Variants in ELP4 observed in about 807,000 individuals in gnomAD.
The protein encoded by ELP4 is elongator complex protein 4.
A neutral mutation model predicts 48.9 loss-of-function variants in ELP4; 51 were observed. That is an observed-to-expected ratio of 1.04 (90% CI 0.83 to 1.32). The LOEUF is 1.32. ELP4 is among the 40% of genes most tolerant of loss of function. ELP4 has a pLI of 0.00. For synonymous variants in ELP4, 210 were observed against 189.2 expected (o/e 1.11, Z -0.90); for missense variants, 519 against 514.6 (o/e 1.01, Z -0.08).
intron 7 of ELP4, chr11:31,633,062 T>A (rs1565088830): frequency 1.3e-5 from 2 of 152,078 alleles, no homozygotes; most frequent in African/African-American, 4.8e-5. Context: ...TTTATGGTAA[T>A]AACATAATAT....
At chr11:31,694,317 T>A (rs148678255) in intron 9 of ELP4, among the ~76,000 whole-genome samples, 39,632 of 152,136 alleles carry the variant, frequency 0.26, 5,598 homozygotes, top group African/African-American at 0.36. Flanking sequence ...AAGTCTTTAA[T>A]CCAGCTTGAA....
chr11:31,696,805 T>C (rs368294003), intron 9 of ELP4, among the ~76,000 whole-genome samples: 1 of 152,100 alleles, frequency 6.6e-6, no homozygotes, highest in East Asian at 1.9e-4. Flanking sequence ...AATTCACACC[T>C]AACAATATTA....
rs1948767130 is a variant in ELP4 at position 31,787,755 on chromosome 11, TTATTAG to T, written c.*4235_*4240del. 4.4e-6 allele frequency: 1 copy of T among 228,914 alleles called. No individual in the cohort carries two copies. Among genetic ancestry groups the T allele is most frequent in the South Asian group, 1.8e-4 (1 of 5,488 alleles). The allele number at this position is 228,914 out of a possible 1,614,324, so 14.2% of individuals were successfully genotyped here. On this transcript the variant is annotated 3_prime_UTR_variant, in exon 10 of 10. Coordinates refer to ENST00000640961, the MANE Select transcript of ELP4 (RefSeq NM_019040.5). Reference sequence around the variant, plus strand: ...GTGCAGCAACTCTGGTGGAATAAAATTATTAGTATATTTCATGCCGGAGCAATGAAT... The same window carrying T: ...GTGCAGCAACTCTGGTGGAATAAAATTATATTTCATGCCGGAGCAATGAAT...
chr11:31,519,752 G>A (rs564802946), intron 1 of ELP4, among the ~76,000 whole-genome samples: 1 of 151,750 alleles, frequency 6.6e-6, no homozygotes, highest in Non-Finnish European at 1.5e-5. Flanking sequence ...TTGAACCCAG[G>A]ATGGGGAGGT....
chr11:31,567,808 C>A (rs1957136004), intron 3 of ELP4, among the ~76,000 whole-genome samples: 1 of 152,102 alleles, frequency 6.6e-6, no homozygotes, highest in African/African-American at 2.4e-5. Context: ...TTTAAAAAGA[C>A]CTTATTGCTA....
intron 3 of ELP4, among the ~76,000 whole-genome samples, chr11:31,553,975 A>T (rs2133932375): frequency 6.6e-6 from 1 of 152,144 alleles, no homozygotes; most frequent in South Asian, 2.1e-4. Flanking sequence ...CTGTCAAATC[A>T]GTGGTGGCAT....
intron 9 of ELP4, among the ~76,000 whole-genome samples, chr11:31,686,794 G>C (rs1224915148): frequency 2.6e-5 from 4 of 151,892 alleles, no homozygotes; most frequent in Non-Finnish European, 5.9e-5. Context: ...AATTGAGCTG[G>C]GGAGGTGGAG....
chr11:31,631,141 A>G (rs1225674048), intron 6 of ELP4, among the ~76,000 whole-genome samples: 1 of 152,118 alleles, frequency 6.6e-6, no homozygotes, highest in Admixed American at 6.6e-5. Context: ...CATGGTCAAT[A>G]AATTCTGCTT....
At chr11:31,644,578 C>G (rs550180410) in intron 7 of ELP4, among the ~76,000 whole-genome samples, 1 of 151,798 alleles carries the variant, frequency 6.6e-6, no homozygotes, top group South Asian at 2.1e-4. Flanking sequence ...ATAGTGTATT[C>G]CTGCTAAAGT....
chr11:31,624,791 T>C (rs1944703658), intron 5 of ELP4, among the ~76,000 whole-genome samples: 1 of 151,802 alleles, frequency 6.6e-6, no homozygotes, highest in Non-Finnish European at 1.5e-5. Context: ...CTATTTTTAA[T>C]TTTTTTACTT....
At chr11:31,533,342 C>A (rs568784893) in intron 2 of ELP4, among the ~76,000 whole-genome samples, 1 of 142,408 alleles carries the variant, frequency 7.0e-6, no homozygotes, top group African/African-American at 2.7e-5. Context: ...CAGTTTCATC[C>A]GTGTTGCTGC....
chr11:31,515,033 G>GTGTATATATA (rs1263600301), intron 1 of ELP4, among the ~76,000 whole-genome samples: 11 of 133,980 alleles, frequency 8.2e-5, no homozygotes, highest in South Asian at 7.3e-4. Context: ...GTGTGTGTGT[G>GTGTATATATA]TATATATATA....
At chr11:31,524,262 C>T (rs1233188654) in intron 2 of ELP4, among the ~76,000 whole-genome samples, 2 of 152,148 alleles carry the variant, frequency 1.3e-5, no homozygotes, top group African/African-American at 4.8e-5. Flanking sequence ...AGCAAGCCTA[C>T]AATATAGGTG....
chr11:31,651,735 CCAAAAT>C (rs549351266), intron 9 of ELP4: 1 of 151,602 alleles, frequency 6.6e-6, no homozygotes, highest in Non-Finnish European at 1.5e-5. Context: ...CACCTTTTCC[CCAAAAT>C]CAGTATTCTA....
At chr11:31,516,189 G>A (rs1956108023) in intron 1 of ELP4, among the ~76,000 whole-genome samples, 1 of 152,188 alleles carries the variant, frequency 6.6e-6, no homozygotes, top group South Asian at 2.1e-4. Context: ...GGAGATGTAA[G>A]TGTAACTCAG....
At chr11:31,517,898 G>A (rs1315171216) in intron 1 of ELP4, among the ~76,000 whole-genome samples, 5 of 152,024 alleles carry the variant, frequency 3.3e-5, no homozygotes, top group African/African-American at 7.2e-5. Context: ...GATTACAGTC[G>A]TGAGCCACCG....
chr11:31,650,594 G>A (rs1945299462), intron 9 of ELP4: 2 of 170,726 alleles, frequency 1.2e-5, no homozygotes, highest in Admixed American at 6.3e-5. Flanking sequence ...CTGTGGCTAA[G>A]AGGATTCTTA....
At chr11:31,677,253 GT>G (rs1945944659) in intron 9 of ELP4, among the ~76,000 whole-genome samples, 1 of 152,186 alleles carries the variant, frequency 6.6e-6, no homozygotes, top group African/African-American at 2.4e-5. Flanking sequence ...TAGTTTGTCT[GT>G]TTTGCAATTA....
At chr11:31,776,934 TA>T (rs1948259763) in intron 9 of ELP4, among the ~76,000 whole-genome samples, 1 of 152,220 alleles carries the variant, frequency 6.6e-6, no homozygotes, top group South Asian at 2.1e-4. Context: ...ATTCAGCTGC[TA>T]CCAAATGTAC....
Sources: allele counts gnomAD v4.1 joint callset (sites outside exome capture counted in the v4.1 genomes callset), GRCh38; gene constraint gnomAD v4.1.1; transcripts MANE v1.5; gene names NCBI Gene and HGNC (gene_info 2026-07-23, HGNC 2026-07-21).